WBP1: variants seen among roughly 807,000 people sequenced by gnomAD.
The protein encoded by WBP1 is WW domain binding protein 1, also known as WW domain-binding protein 1.
In WBP1, 18 loss-of-function variants were observed where a neutral mutation model predicts 25.6. The ratio of observed to expected loss-of-function variants is 0.70; its 90% CI spans 0.49 to 1.04. The LOEUF (loss-of-function observed/expected upper bound fraction) is 1.04. Ranked by LOEUF, WBP1 falls within the 50% of genes least tolerant of loss-of-function variation. The pLI is 0.00. For synonymous variants in WBP1, 122 were observed against 137.7 expected, an observed-to-expected ratio of 0.89 and a Z score of 0.80; for missense variants, 330 against 352.9, an observed-to-expected ratio of 0.94 and a Z score of 0.52.
rs1451494095 is a variant in WBP1 at position 74,460,272 on chromosome 2, C to G, written c.401C>G (p.Pro134Arg). Residue 134 changes from proline (P) to arginine (R), a missense_variant, in exon 4 of 4, where the codon CCA (proline) becomes CGA (arginine). By Grantham distance (103) the Pro-to-Arg change is moderately radical. Coordinates refer to ENST00000233615, the MANE Select transcript of WBP1 (RefSeq NM_012477.4). ...GCCTACGAGGATGTGGTTCACCGCC[C>G]AGGCACACCACCCCCCCCTTATACT... is the stretch of plus-strand genomic sequence containing the variant. ...PPAYEDVVHR[P>R]GTPPPPYTVA... 2 of 1,613,960 alleles carry G rather than the reference C, an allele frequency of 1.2e-6. No individual in the cohort carries two copies. Among genetic ancestry groups the G allele is most frequent in the Non-Finnish European group, 1.7e-6 (2 of 1,179,866 alleles).
At position 74,459,611 on chromosome 2, in the gene WBP1, C is replaced by G. The variant is rs767663157; in HGVS notation, c.70-32C>G. ...GTGGACAGTGCCCTGGGCTGGAATC[C>G]CCCTTAGTTCTAAGTGCCTCCTTGC... is the stretch of plus-strand genomic sequence containing the variant. On this transcript the variant is annotated intron_variant, in intron 1 of 3. Transcript: ENST00000233615. The G allele has an allele frequency of 5.6e-6, 9 of 1,606,104 alleles. No individual in the cohort carries two copies. In the African/African-American group the frequency reaches 1.2e-4, roughly 21 times the overall value.
intron 2 of WBP1, 63 bp from the exon 3 acceptor site, chr2:74,459,810 G>T: frequency 6.2e-7 from 1 of 1,613,148 alleles, no homozygotes; most frequent in South Asian, 1.1e-5. Context: ...TCAGAATTTC[G>T]GCCTTCAGGG....
chr2:74,460,284 C>G lies in WBP1; in HGVS notation c.413C>G (p.Pro138Arg). The G allele has an allele frequency of 6.2e-7, 1 of 1,613,856 alleles. No homozygotes were observed. The highest frequency in any genetic ancestry group is 8.5e-7 in the Non-Finnish European group (1 of 1,179,790). ...GTGGTTCACCGCCCAGGCACACCAC[C>G]CCCCCCTTATACTGTGGCCCCAGGC... is the stretch of plus-strand genomic sequence containing the variant. ...EDVVHRPGTP[P>R]PPYTVAPGRP... The change falls in exon 4 of 4, where the codon CCC (proline) becomes CGC (arginine). Residue 138 changes from proline to arginine, a missense_variant. Transcript: ENST00000233615.
chr2:74,459,646 C>T lies in WBP1; in HGVS notation c.73C>T (p.Arg25Ter), dbSNP rs922167829. 2 of 1,613,954 alleles carry T rather than the reference C, an allele frequency of 1.2e-6. No individual in the cohort carries two copies. Among genetic ancestry groups the T allele is most frequent in the Non-Finnish European group, 1.7e-6 (2 of 1,179,948 alleles). ...GALRAPQQQL[R>*]ELCPGVNNQP... ...CTAAGTGCCTCCTTGCCCGCAGCTTCGAGAGCTGTGCCCAGGAGTGAACAA... is the reference window on the plus strand; with the variant it reads ...CTAAGTGCCTCCTTGCCCGCAGCTTTGAGAGCTGTGCCCAGGAGTGAACAA... The change falls in exon 2 of 4, where the codon CGA becomes TGA. Residue 25 changes from arginine (R) to a stop codon, truncating the protein, a stop_gained. Transcript: ENST00000233615. LOFTEE classifies it high-confidence loss of function.
At chr2:74,458,811 T>C (rs1671794487) in intron 1 of WBP1, 140 bp downstream of exon 1, 2 of 1,529,522 alleles carry the variant, frequency 1.3e-6, no homozygotes, top group Non-Finnish European at 1.8e-6. Flanking sequence ...TTCCACTCTT[T>C]GTCTAAACTT....
rs547055147 is a variant in WBP1 at position 74,460,415 on chromosome 2, G to GC, written c.551dup (p.His185SerfsTer5). ...GGAAGGTGTTTCCTCCCACCAGAGT[G>GC]CCCCCCCTCATCAGGAGGGTGAGCC... On this transcript the variant is annotated frameshift_variant, in exon 4 of 4. Coordinates refer to ENST00000233615, the MANE Select transcript of WBP1 (RefSeq NM_012477.4). LOFTEE classifies it high-confidence loss of function. The GC allele has an allele frequency of 1.6e-4, 261 of 1,612,212 alleles. 1 individual carries two copies. The highest frequency in any genetic ancestry group is 3.6e-4 in the East Asian group (16 of 44,722).
chr2:74,460,485 A>C lies in WBP1; in HGVS notation c.614A>C (p.Tyr205Ser). The stretch of plus-strand genomic sequence containing the variant: ...GCCTCCACACCCCCCTCCTGCCGCT[A>C]TCGCCGTTTAACTGGCGACTCCGGT... ...TPASTPPSCRYRRLTGDSGIE... is the reference protein window; with the variant it reads ...TPASTPPSCRSRRLTGDSGIE... Residue 205 changes from tyrosine (Y) to serine (S), a missense_variant, in exon 4 of 4, where the codon TAT becomes TCT. Tyr to Ser is a moderately radical substitution (Grantham distance 144, BLOSUM62 -2). Coordinates refer to ENST00000233615, the MANE Select transcript of WBP1 (RefSeq NM_012477.4). 6.2e-7 allele frequency: 1 copy of C among 1,613,288 alleles called. No homozygotes were observed. Among genetic ancestry groups the C allele is most frequent in the Non-Finnish European group, 8.5e-7 (1 of 1,179,872 alleles).
At position 74,460,728 on chromosome 2, in the gene WBP1, C is replaced by G; in HGVS notation, c.*47C>G. ...GGTTACTTGCCCACCAGAAACAGCC[C>G]TAGTCCCAACTCCTTGCGTTCCTTT... On this transcript the variant is annotated 3_prime_UTR_variant, in exon 4 of 4. Transcript: ENST00000233615. 1 of 1,464,590 alleles carries G rather than the reference C, an allele frequency of 6.8e-7. No individual in the cohort carries two copies. The highest frequency in any genetic ancestry group is 1.3e-5 in the South Asian group (1 of 74,290). 90.7% of individuals were successfully genotyped at this position (1,464,590 alleles called of 1,614,324 possible).
At position 74,458,496 on chromosome 2, in the gene WBP1, G is replaced by A. The variant is rs563225550; in HGVS notation, c.-107G>A. On this transcript the variant is annotated 5_prime_UTR_variant, in exon 1 of 4. Transcript: ENST00000233615. Reference sequence around the variant, plus strand: ...CGGCCGCGGAGTGATGGTGGCCTCAGCGAAGATGGGCCGGGCAGGGACCAT... The same window carrying A: ...CGGCCGCGGAGTGATGGTGGCCTCAACGAAGATGGGCCGGGCAGGGACCAT... The A allele has an allele frequency of 2.3e-4, 343 of 1,485,110 alleles. 2 individuals carry two copies. In the African/African-American group the frequency reaches 4.3e-3, roughly 19 times the overall value. 92.0% of individuals were successfully genotyped at this position (1,485,110 alleles called of 1,614,324 possible). A position where few individuals can be genotyped will look rare whatever the true frequency, so the allele number is the denominator to read the frequency against.
chr2:74,458,709 T>G (rs1373473491), intron 1 of WBP1, 38 bp downstream of exon 1: 1 of 1,551,682 alleles, frequency 6.4e-7, no homozygotes, highest in Non-Finnish European at 8.7e-7. Context: ...CGACAGCCAT[T>G]TGTCTCTTTC....
In WBP1 at chr2:74,458,651, C is replaced by G; in HGVS notation, c.49C>G (p.Leu17Val). ...GNGSEEAWGALRAPQQQLREL... is the reference protein window; with the variant it reads ...GNGSEEAWGAVRAPQQQLREL... ...CGGCAGCGAGGAGGCCTGGGGGGCA[C>G]TTCGGGCGCCGCAACAGCAGGTATC... Residue 17 changes from leucine (L) to valine (V), a missense_variant, in exon 1 of 4, where the codon CTT becomes GTT. By Grantham distance (32) the Leu-to-Val change is conservative. Transcript: ENST00000233615. 6.4e-7 allele frequency: 1 copy of G among 1,572,072 alleles called. No individual in the cohort carries two copies. The highest frequency in any genetic ancestry group is 1.2e-5 in the South Asian group (1 of 85,642).
At chr2:74,460,158 A>G in intron 3 of WBP1, 63 bp from the exon 4 acceptor site, 1 of 1,570,716 alleles carries the variant, frequency 6.4e-7, no homozygotes, top group Non-Finnish European at 8.7e-7. Flanking sequence ...TTTCCCTAAT[A>G]TAAAAACTAG....
chr2:74,458,551 G>A lies in WBP1; in HGVS notation c.-52G>A. On this transcript the variant is annotated 5_prime_UTR_variant, in exon 1 of 4. Transcript: ENST00000233615. ...GTGGCAGCAGAGGTGGCAGGGGCGG[G>A]GCGGCTGGCGGTAGAGGAGGCTGTG... The A allele has an allele frequency of 6.6e-7, 1 of 1,525,380 alleles. No individual in the cohort carries two copies. Among genetic ancestry groups the A allele is most frequent in the Non-Finnish European group, 8.8e-7 (1 of 1,130,116 alleles). 94.5% of individuals were successfully genotyped at this position (1,525,380 alleles called of 1,614,324 possible).
At position 74,460,471 on chromosome 2, in the gene WBP1, C is replaced by T. The variant is rs1183302423; in HGVS notation, c.600C>T (p.Pro200=). The T allele has an allele frequency of 1.2e-6, 2 of 1,613,400 alleles. No individual in the cohort carries two copies. Among genetic ancestry groups the T allele is most frequent in the Non-Finnish European group, 1.7e-6 (2 of 1,179,936 alleles). The change falls in exon 4 of 4, where the codon CCC becomes CCT. Residue 200 remains proline (P), a synonymous_variant. Coordinates refer to ENST00000233615, the MANE Select transcript of WBP1 (RefSeq NM_012477.4). ...PGAGVTPAST[P]PSCRYRRLTG... ...CAGGGGTGACCCCTGCCTCCACACC[C>T]CCCTCCTGCCGCTATCGCCGTTTAA...
Position 74,458,648 on chromosome 2 carries a change from G to A in WBP1, c.46G>A (p.Ala16Thr). ...SGNGSEEAWG[A>T]LRAPQQQLRE... ...GAACGGCAGCGAGGAGGCCTGGGGG[G>A]CACTTCGGGCGCCGCAACAGCAGGT... The change falls in exon 1 of 4, where the codon GCA becomes ACA. Residue 16 changes from alanine to threonine, a missense_variant. Physicochemically the swap from Ala to Thr is moderately conservative, Grantham distance 58 (BLOSUM62 0). Transcript: ENST00000233615. 1.3e-6 allele frequency: 2 copies of A among 1,571,708 alleles called. No homozygotes were observed. The highest frequency in any genetic ancestry group is 1.7e-6 in the Non-Finnish European group (2 of 1,158,444).
chr2:74,460,099 A>G (rs772060297), intron 3 of WBP1, 50 bp downstream of exon 3: 3 of 1,599,478 alleles, frequency 1.9e-6, no homozygotes, highest in Non-Finnish European at 2.6e-6. Context: ...TCCCCAAACC[A>G]GAACCCCAAA....
Position 74,458,528 on chromosome 2 carries a change from G to A in WBP1, c.-75G>A, listed in dbSNP as rs1671783291. The A allele has an allele frequency of 7.2e-6, 11 of 1,520,608 alleles. No homozygotes were observed. Among genetic ancestry groups the A allele is most frequent in the Middle Eastern group, 4.6e-4 (2 of 4,310 alleles). The allele number at this position is 1,520,608 out of a possible 1,614,324, so 94.2% of individuals were successfully genotyped here. On this transcript the variant is annotated 5_prime_UTR_variant, in exon 1 of 4. Coordinates refer to ENST00000233615, the MANE Select transcript of WBP1 (RefSeq NM_012477.4). Reference sequence around the variant, plus strand: ...TGGGCCGGGCAGGGACCATGGCGGTGGCAGCAGAGGTGGCAGGGGCGGGGC... The same window carrying A: ...TGGGCCGGGCAGGGACCATGGCGGTAGCAGCAGAGGTGGCAGGGGCGGGGC...
rs954105588 is a variant in WBP1, at chr2:74,458,475, C to T, written c.-128C>T. ...GTTCTGCCCGGATGGAAGCTCCGGC[C>T]GCGGAGTGATGGTGGCCTCAGCGAA... On this transcript the variant is annotated 5_prime_UTR_variant, in exon 1 of 4. Transcript: ENST00000233615. 2.7e-6 allele frequency: 4 copies of T among 1,459,964 alleles called. No individual in the cohort carries two copies. The highest frequency in any genetic ancestry group is 2.8e-5 in the African/African-American group (2 of 70,398). 90.4% of individuals were successfully genotyped at this position (1,459,964 alleles called of 1,614,324 possible).
At position 74,460,030 on chromosome 2, in the gene WBP1, C is replaced by T. The variant is rs1671848860; in HGVS notation, c.330C>T (p.Thr110=). ...GCCATGGGGCTGGTCCTTTCCCTAC[C>T]GGTTCACTGCTTGACCTTCGTGAGT... ...GACHGAGPFP[T]GSLLDLRFLS... Residue 110 remains threonine (T), a synonymous_variant, in exon 3 of 4, where the codon ACC becomes ACT. Coordinates refer to ENST00000233615, the MANE Select transcript of WBP1 (RefSeq NM_012477.4). The T allele has an allele frequency of 4.3e-6, 7 of 1,613,570 alleles. No homozygotes were observed. The highest frequency in any genetic ancestry group is 1.6e-4 in the Middle Eastern group (1 of 6,082).
Sources: allele counts gnomAD v4.1 joint callset, GRCh38; gene constraint gnomAD v4.1.1; transcripts MANE v1.5; gene names NCBI Gene and HGNC (gene_info 2026-07-23, HGNC 2026-07-21).